EPHA3: variants seen among roughly 807,000 people sequenced by gnomAD.
EPHA3 encodes the protein EPH receptor A3, also known as ephrin type-A receptor 3.
Under a neutral mutation model 107.1 loss-of-function variants are expected in EPHA3, and 42 were observed. That is an observed-to-expected ratio of 0.39 (90% CI 0.31 to 0.51). The LOEUF (loss-of-function observed/expected upper bound fraction) is 0.51. Ranked by LOEUF, EPHA3 falls within the 20% of genes least tolerant of loss-of-function variation. The pLI is 0.78. For synonymous variants in EPHA3, 461 were observed against 424.8 expected, an observed-to-expected ratio of 1.09 and a Z score of -1.05; for missense variants, 1,183 against 1,211.2, an observed-to-expected ratio of 0.98 and a Z score of 0.35.
intron 2 of EPHA3, among the ~76,000 whole-genome samples, chr3:89,177,878 C>T (rs933400463): frequency 6.6e-6 from 1 of 152,222 alleles, no homozygotes; most frequent in African/African-American, 2.4e-5. Context: ...TATTTAAATA[C>T]TGTGCTGTTC....
chr3:89,154,963 C>A (rs537772222), intron 2 of EPHA3, among the ~76,000 whole-genome samples: 2 of 149,674 alleles, frequency 1.3e-5, no homozygotes, highest in East Asian at 3.9e-4. Context: ...AAACATAATT[C>A]TGTTTAAAAG....
At chr3:89,343,380 G>T (rs1180378620) in intron 5 of EPHA3, among the ~76,000 whole-genome samples, 3 of 152,098 alleles carry the variant, frequency 2.0e-5, no homozygotes, top group African/African-American at 7.2e-5. Context: ...GTTCCTGCAG[G>T]TTATTACAGA....
chr3:89,344,748 C>T (rs1707604269), intron 5 of EPHA3, among the ~76,000 whole-genome samples: 1 of 152,092 alleles, frequency 6.6e-6, no homozygotes, highest in South Asian at 2.1e-4. Context: ...GAATGTGTCC[C>T]TTTTAATTTA....
intron 3 of EPHA3, among the ~76,000 whole-genome samples, chr3:89,338,096 C>G (rs1028600041): frequency 6.6e-6 from 1 of 152,186 alleles, no homozygotes; most frequent in Non-Finnish European, 1.5e-5. Flanking sequence ...GTGTACATTT[C>G]TTTGCCCACC....
At position 89,450,246 on chromosome 3, in the gene EPHA3, C is replaced by T. The variant is rs774793280; in HGVS notation, c.2566C>T (p.Leu856=). The T allele has an allele frequency of 1.3e-5, 21 of 1,613,788 alleles. No homozygotes were observed. The highest frequency in any genetic ancestry group is 7.6e-6 in the Non-Finnish European group (9 of 1,179,910). ...PMDCPAALYQ[L]MLDCWQKDRN... The stretch of plus-strand genomic sequence containing the variant: ...GGACTGCCCAGCTGCCTTGTATCAG[C>T]TGATGCTGGACTGCTGGCAGAAAGA... Residue 856 remains leucine, a synonymous_variant, in exon 15 of 17, where the codon CTG becomes TTG. Transcript: ENST00000336596.
intron 5 of EPHA3, among the ~76,000 whole-genome samples, chr3:89,370,522 G>A (rs1708279201): frequency 1.3e-5 from 2 of 151,736 alleles, no homozygotes; most frequent in South Asian, 4.2e-4. Context: ...TGGGAGGAGG[G>A]GGGAGGGATA....
At chr3:89,209,073 A>C (rs1159448312) in intron 2 of EPHA3, among the ~76,000 whole-genome samples, 1 of 152,180 alleles carries the variant, frequency 6.6e-6, no homozygotes, top group Non-Finnish European at 1.5e-5. Flanking sequence ...CTGTTCTCAA[A>C]AGTCTGAATG....
At chr3:89,193,075 T>C (rs1011934386) in intron 2 of EPHA3, among the ~76,000 whole-genome samples, 2 of 152,094 alleles carry the variant, frequency 1.3e-5, no homozygotes, top group African/African-American at 4.8e-5. Context: ...GGATAGTAAA[T>C]AGAGGTATAA....
chr3:89,257,007 AG>A (rs1705301100), intron 3 of EPHA3, among the ~76,000 whole-genome samples: 1 of 152,248 alleles, frequency 6.6e-6, no homozygotes, highest in African/African-American at 2.4e-5. Context: ...CACTGTACTA[AG>A]TATGTATGTA....
At chr3:89,258,006 T>G (rs1310003260) in intron 3 of EPHA3, among the ~76,000 whole-genome samples, 1 of 152,222 alleles carries the variant, frequency 6.6e-6, no homozygotes, top group African/African-American at 2.4e-5. Context: ...GCGAAAGATT[T>G]AATGAACACT....
At chr3:89,288,367 CT>C (rs1706138086) in intron 3 of EPHA3, among the ~76,000 whole-genome samples, 1 of 152,038 alleles carries the variant, frequency 6.6e-6, no homozygotes, top group South Asian at 2.1e-4. Context: ...AAATATAGAG[CT>C]ATGATGCTGT....
chr3:89,399,930 T>G, intron 7 of EPHA3: 1 of 1,054,390 alleles, frequency 9.5e-7, no homozygotes, highest in Middle Eastern at 4.3e-4. Flanking sequence ...ATAAGGATTT[T>G]CTAAAATGTG....
At chr3:89,443,556 G>T (rs1709823430) in intron 13 of EPHA3, among the ~76,000 whole-genome samples, 1 of 152,078 alleles carries the variant, frequency 6.6e-6, no homozygotes, top group African/African-American at 2.4e-5. Context: ...AACTGAAAAT[G>T]AACTGCACCT....
At chr3:89,170,784 TATTTGAGAGCA>T (rs1326735020) in intron 2 of EPHA3, among the ~76,000 whole-genome samples, 2 of 152,146 alleles carry the variant, frequency 1.3e-5, no homozygotes, top group Non-Finnish European at 2.9e-5. Context: ...AACAAGAATT[TATTTGAGAGCA>T]ATTTGAGAGC....
intron 3 of EPHA3, among the ~76,000 whole-genome samples, chr3:89,281,561 C>T (rs1191744539): frequency 1.3e-5 from 2 of 152,042 alleles, no homozygotes; most frequent in Non-Finnish European, 2.9e-5. Context: ...TGTCTGTAGT[C>T]CATCCTTCCT....
chr3:89,357,404 T>C (rs140242402), intron 5 of EPHA3, among the ~76,000 whole-genome samples: 102 of 151,180 alleles, frequency 6.7e-4, no homozygotes, highest in African/African-American at 2.3e-3. Flanking sequence ...AAGATGAGAA[T>C]GTCAGATGAC....
intron 2 of EPHA3, among the ~76,000 whole-genome samples, chr3:89,149,270 C>T (rs763380343): frequency 1.3e-4 from 20 of 151,870 alleles, no homozygotes; most frequent in African/African-American, 2.4e-4. Flanking sequence ...TTTACTGAAG[C>T]GGTACCAGAC....
chr3:89,130,698 G>T (rs551369624), intron 2 of EPHA3, among the ~76,000 whole-genome samples: 2 of 150,246 alleles, frequency 1.3e-5, no homozygotes, highest in Admixed American at 1.3e-4. Context: ...GCTGTGGCGC[G>T]ATCTCGGCTC....
At chr3:89,423,341 C>A (rs551181360) in intron 11 of EPHA3, among the ~76,000 whole-genome samples, 1 of 151,274 alleles carries the variant, frequency 6.6e-6, no homozygotes, top group Admixed American at 6.6e-5. Flanking sequence ...TGCCTGTTTC[C>A]CTGCATGTAC....
Sources: gnomAD v4.1 joint callset for allele counts (sites outside exome capture counted in the v4.1 genomes callset) on GRCh38, gnomAD v4.1.1 for gene constraint, MANE v1.5 for transcripts, NCBI Gene and HGNC (gene_info 2026-07-23, HGNC 2026-07-21) for gene names.